ARHGEF3: variants seen among roughly 807,000 people sequenced by gnomAD.
ARHGEF3 encodes 59.8 kDA protein.
Under a neutral mutation model 63.2 loss-of-function variants are expected in ARHGEF3, and 28 were observed. The ratio of observed to expected loss-of-function variants is 0.44; its 90% CI spans 0.33 to 0.61. ARHGEF3 has a LOEUF of 0.61. ARHGEF3 is among the 20% of genes least tolerant of loss of function. The probability of loss-of-function intolerance (pLI) is 0.03; values close to 1 mark genes in which losing one functional copy is unlikely to be tolerated. For synonymous variants in ARHGEF3, 266 were observed against 254.2 expected, an observed-to-expected ratio of 1.05 and a Z score of -0.44; for missense variants, 533 against 659.3, an observed-to-expected ratio of 0.81 and a Z score of 2.10.
intron 8 of ARHGEF3, among the ~76,000 whole-genome samples, chr3:56,735,500 C>T (rs2033550087): frequency 6.6e-6 from 1 of 152,098 alleles, no homozygotes; most frequent in Non-Finnish European, 1.5e-5. Flanking sequence ...TATCTGCCTG[C>T]AATAAAAACT....
chr3:57,020,295 G>A (rs1239469520), intron 2 of ARHGEF3, among the ~76,000 whole-genome samples: 1 of 152,160 alleles, frequency 6.6e-6, no homozygotes, highest in Non-Finnish European at 1.5e-5. Context: ...ATGGCTCCCT[G>A]CCACCTCCCC....
At chr3:56,915,642 C>G (rs1289517585) in intron 3 of ARHGEF3, among the ~76,000 whole-genome samples, 1 of 152,042 alleles carries the variant, frequency 6.6e-6, no homozygotes, top group African/African-American at 2.4e-5. Context: ...CAAAATAACC[C>G]AAACCAAAAA....
intron 2 of ARHGEF3, among the ~76,000 whole-genome samples, chr3:57,018,004 G>A (rs980473296): frequency 1.3e-5 from 2 of 152,192 alleles, no homozygotes; most frequent in Non-Finnish European, 2.9e-5. Flanking sequence ...TAAAAGCCAG[G>A]TGCAGTGGCT....
intron 2 of ARHGEF3, among the ~76,000 whole-genome samples, chr3:56,970,686 T>G (rs1359011697): frequency 6.6e-6 from 1 of 152,250 alleles, no homozygotes; most frequent in African/African-American, 2.4e-5. Context: ...TTCTGTATTT[T>G]AGCTTCCTGC....
At chr3:56,823,039 T>C (rs1478536690) in intron 4 of ARHGEF3, among the ~76,000 whole-genome samples, 1 of 152,106 alleles carries the variant, frequency 6.6e-6, no homozygotes, top group Non-Finnish European at 1.5e-5. Flanking sequence ...TTCAAATTTG[T>C]TTCTTCTTCT....
chr3:56,789,446 T>C (rs1046972257), intron 1 of ARHGEF3, among the ~76,000 whole-genome samples: 3 of 152,258 alleles, frequency 2.0e-5, no homozygotes, highest in African/African-American at 4.8e-5. Flanking sequence ...CTACTTTTAT[T>C]TTTTAAGTTG....
At chr3:56,794,497 A>C (rs1260348709) in intron 1 of ARHGEF3, among the ~76,000 whole-genome samples, 2 of 70,888 alleles carry the variant, frequency 2.8e-5, no homozygotes, top group Admixed American at 1.4e-4. Flanking sequence ...TCAAAAAAAA[A>C]AAAAAAAAAA....
intron 2 of ARHGEF3, among the ~76,000 whole-genome samples, chr3:57,030,030 TA>T (rs910708285): frequency 1.3e-5 from 2 of 152,124 alleles, no homozygotes; most frequent in Non-Finnish European, 2.9e-5. Flanking sequence ...AGAGAGCAGC[TA>T]AGAGCAAGCA....
chr3:56,831,250 C>T (rs2108073887), intron 4 of ARHGEF3, among the ~76,000 whole-genome samples: 1 of 152,322 alleles, frequency 6.6e-6, no homozygotes, highest in East Asian at 1.9e-4. Flanking sequence ...GCATTTAACT[C>T]CAGAGTCTAC....
chr3:56,875,676 T>G (rs994407889), intron 4 of ARHGEF3, among the ~76,000 whole-genome samples: 1 of 152,250 alleles, frequency 6.6e-6, no homozygotes, highest in Non-Finnish European at 1.5e-5. Context: ...CCCCTTTTTT[T>G]TGAAATGCTA....
intron 3 of ARHGEF3, among the ~76,000 whole-genome samples, chr3:56,928,346 T>C (rs868708515): frequency 5.7e-5 from 8 of 140,752 alleles, no homozygotes; most frequent in Non-Finnish European, 9.7e-5. Context: ...TCCTGGCCCA[T>C]GGTCACAGAG....
At chr3:56,756,695 G>A (rs1448052587) in intron 2 of ARHGEF3, among the ~76,000 whole-genome samples, 2 of 151,832 alleles carry the variant, frequency 1.3e-5, no homozygotes, top group African/African-American at 4.8e-5. Flanking sequence ...GCCTACAGGC[G>A]CCCGCCACCA....
chr3:56,769,246 C>T (rs1363866295), intron 2 of ARHGEF3, among the ~76,000 whole-genome samples: 2 of 152,206 alleles, frequency 1.3e-5, no homozygotes, highest in African/African-American at 4.8e-5. Context: ...CAGCTGTGGA[C>T]AGGGAGAGGC....
chr3:56,924,109 A>G (rs2042219233), intron 3 of ARHGEF3, among the ~76,000 whole-genome samples: 1 of 152,250 alleles, frequency 6.6e-6, no homozygotes, highest in Non-Finnish European at 1.5e-5. Flanking sequence ...AGAAGCAATT[A>G]TAAGCATTGA....
chr3:56,744,784 G>C (rs2034276313), intron 7 of ARHGEF3, among the ~76,000 whole-genome samples: 1 of 152,040 alleles, frequency 6.6e-6, no homozygotes, highest in South Asian at 2.1e-4. Context: ...TGTAATCGGG[G>C]GCTAAATGGA....
At chr3:57,001,848 T>C (rs1445826352) in intron 2 of ARHGEF3, among the ~76,000 whole-genome samples, 8 of 152,044 alleles carry the variant, frequency 5.3e-5, no homozygotes, top group Non-Finnish European at 1.2e-4. Flanking sequence ...GAATAGAAGA[T>C]ATTTCCTCAC....
intron 2 of ARHGEF3, among the ~76,000 whole-genome samples, chr3:56,991,740 G>A (rs576456770): frequency 2.0e-5 from 3 of 152,106 alleles, no homozygotes; most frequent in Non-Finnish European, 4.4e-5. Flanking sequence ...TCCGCCTCCC[G>A]AGTAGCTGGG....
At position 56,752,835 on chromosome 3, in the gene ARHGEF3, A is replaced by G. The variant is rs200128226; in HGVS notation, c.438+669T>C. Among the ~76,000 whole-genome samples, 8 of 152,216 alleles carry G rather than the reference A, an allele frequency of 5.3e-5. No homozygotes were observed. In the East Asian group the frequency reaches 1.5e-3, roughly 29 times the overall value. On this transcript the variant is annotated intron_variant, in intron 4 of 9. Transcript: ENST00000296315. ...CATCTCTCAGGAATGCTAGAGGTGG[A>G]ATTTCATCTTAGCAGAAAGACTAAA...
chr3:57,059,395 T>G lies in ARHGEF3; in HGVS notation c.-28+19831A>C, dbSNP rs530391095. Among the ~76,000 whole-genome samples, 21 of 151,582 alleles carry G rather than the reference T, an allele frequency of 1.4e-4. No individual in the cohort carries two copies. The South Asian group carries it at 4.4e-3, about 32-fold the overall frequency. On this transcript the variant is annotated intron_variant, in intron 1 of 12. Coordinates refer to the ARHGEF3 transcript ENST00000338458. ...ATAGCTGATGAACTAAAAAAAAAACTCATAATGTTTTTTAAAAGTTTATGA... is the reference window on the plus strand; with the variant it reads ...ATAGCTGATGAACTAAAAAAAAAACGCATAATGTTTTTTAAAAGTTTATGA...
Sources: gnomAD v4.1 joint callset for allele counts (sites outside exome capture counted in the v4.1 genomes callset) on GRCh38, gnomAD v4.1.1 for gene constraint, MANE v1.5 for transcripts, NCBI Gene and HGNC (gene_info 2026-07-23, HGNC 2026-07-21) for gene names.